The following DIS3L2 variants were observed in gnomAD, a reference collection of about 807,000 sequenced individuals.
The protein encoded by DIS3L2 is DIS3 like 3'-5' exoribonuclease 2.
In DIS3L2, 34 loss-of-function variants were observed where a neutral mutation model predicts 97.5. The observed-to-expected ratio is 0.35, with a 90% CI of 0.27 to 0.46. DIS3L2 has a LOEUF of 0.46. Ranked by LOEUF, DIS3L2 falls within the 20% of genes least tolerant of loss-of-function variation. DIS3L2 has a pLI of 1.00. For synonymous variants in DIS3L2, 435 were observed against 445.2 expected, an observed-to-expected ratio of 0.98 and a Z score of 0.29; for missense variants, 1,038 against 1,146.0, an observed-to-expected ratio of 0.91 and a Z score of 1.36.
intron 11 of DIS3L2, among the ~76,000 whole-genome samples, chr2:232,243,353 T>C (rs1214917181): frequency 6.6e-6 from 1 of 151,990 alleles, no homozygotes; most frequent in Non-Finnish European, 1.5e-5. Flanking sequence ...CCTGGAGTGG[T>C]AGGCGAAGGA....
chr2:232,114,967 A>G (rs1574886131), intron 6 of DIS3L2, among the ~76,000 whole-genome samples: 1 of 152,176 alleles, frequency 6.6e-6, no homozygotes, highest in East Asian at 1.9e-4. Context: ...CAGAGTCCCT[A>G]GGCAGCACAG....
exon 14 of DIS3L2, chr2:232,343,752 A>G (rs1209192908): frequency 3.8e-5 from 25 of 663,558 alleles, no homozygotes; most frequent in Non-Finnish European, 5.9e-5. Context: ...AGAAACTGCT[A>G]TACCCTCTTC....
At chr2:232,224,553 G>A (rs1206171320) in intron 10 of DIS3L2, among the ~76,000 whole-genome samples, 2 of 152,116 alleles carry the variant, frequency 1.3e-5, no homozygotes, top group Non-Finnish European at 2.9e-5. Context: ...CATTAAGATT[G>A]TTGAAAAGGG....
At chr2:232,333,741 C>T (rs765212517) in intron 16 of DIS3L2, 99 bp from the exon 17 acceptor site, 4 of 1,474,180 alleles carry the variant, frequency 2.7e-6, no homozygotes, top group Non-Finnish European at 3.6e-6. Flanking sequence ...GGTCTGTCCA[C>T]ACATCGCTGC....
intron 5 of DIS3L2, among the ~76,000 whole-genome samples, chr2:232,084,799 CAA>C (rs55977523): frequency 6.9e-6 from 1 of 145,532 alleles, no homozygotes; most frequent in Non-Finnish European, 1.5e-5. Context: ...CAGTTTTGCT[CAA>C]AAAAAAAAAA....
At chr2:232,095,820 C>T (rs1000212405) in intron 6 of DIS3L2, among the ~76,000 whole-genome samples, 8 of 152,136 alleles carry the variant, frequency 5.3e-5, no homozygotes, top group African/African-American at 1.9e-4. Context: ...TTGAAGGATA[C>T]TTTCACTGGA....
intron 14 of DIS3L2, among the ~76,000 whole-genome samples, chr2:232,303,804 G>A (rs1040223579): frequency 5.3e-5 from 8 of 152,128 alleles, no homozygotes; most frequent in African/African-American, 1.9e-4. Context: ...TCCATGGGTG[G>A]TGCCTGATAA....
chr2:232,311,752 G>A (rs1230885451), intron 14 of DIS3L2, among the ~76,000 whole-genome samples: 1 of 152,046 alleles, frequency 6.6e-6, no homozygotes, highest in African/African-American at 2.4e-5. Flanking sequence ...TTCTCTTTCA[G>A]CATTATATTT....
intron 1 of DIS3L2, among the ~76,000 whole-genome samples, chr2:232,001,557 CTTTTTTTTTTTTTT>C (rs57766848): frequency 3.2e-5 from 2 of 61,918 alleles, no homozygotes; most frequent in East Asian, 6.0e-4. Flanking sequence ...TGCCATTTGT[CTTTTTTTTTTTTTT>C]TTTTTTTTTG....
intron 13 of DIS3L2, among the ~76,000 whole-genome samples, chr2:232,287,181 C>A (rs1694456109): frequency 6.6e-6 from 1 of 152,120 alleles, no homozygotes; most frequent in Non-Finnish European, 1.5e-5. Context: ...AGAGGGAAAA[C>A]AAGTTTCTGC....
chr2:232,072,535 G>A (rs1430515175), intron 5 of DIS3L2, among the ~76,000 whole-genome samples: 4 of 152,124 alleles, frequency 2.6e-5, no homozygotes, highest in African/African-American at 9.7e-5. Context: ...ATCATAGGTA[G>A]GATTCTGTTT....
At chr2:232,045,734 G>A (rs1327128301) in intron 5 of DIS3L2, among the ~76,000 whole-genome samples, 1 of 144,138 alleles carries the variant, frequency 6.9e-6, no homozygotes, top group Non-Finnish European at 1.5e-5. Flanking sequence ...GAGTGCAGTG[G>A]TGCGATCTCG....
chr2:232,170,493 C>CT (rs1404551785), intron 9 of DIS3L2, among the ~76,000 whole-genome samples: 4 of 152,158 alleles, frequency 2.6e-5, no homozygotes, highest in Admixed American at 1.3e-4. Flanking sequence ...TTGTGGGTAT[C>CT]TATTTCCTTA....
chr2:232,160,221 A>G (rs1690610592), intron 8 of DIS3L2, among the ~76,000 whole-genome samples: 1 of 152,204 alleles, frequency 6.6e-6, no homozygotes, highest in Admixed American at 6.5e-5. Flanking sequence ...GGTAGAATTC[A>G]CCAGTGAAGC....
chr2:232,170,116 T>A (rs1690943014), intron 9 of DIS3L2, among the ~76,000 whole-genome samples: 1 of 152,014 alleles, frequency 6.6e-6, no homozygotes. Context: ...AAAAGCAACA[T>A]AAGTACTGCA....
At chr2:232,145,715 T>C (rs899236023) in intron 8 of DIS3L2, among the ~76,000 whole-genome samples, 1 of 152,190 alleles carries the variant, frequency 6.6e-6, no homozygotes, top group African/African-American at 2.4e-5. Flanking sequence ...GTTTTATTTG[T>C]TTTTGCCATC....
intron 5 of DIS3L2, among the ~76,000 whole-genome samples, chr2:232,072,206 T>A (rs1696038586): frequency 6.6e-6 from 1 of 152,082 alleles, no homozygotes; most frequent in Non-Finnish European, 1.5e-5. Flanking sequence ...CTGGGAAAGA[T>A]ATAATAATAT....
intron 14 of DIS3L2, among the ~76,000 whole-genome samples, chr2:232,327,613 A>G (rs767575206): frequency 5.9e-5 from 9 of 152,232 alleles, no homozygotes; most frequent in Non-Finnish European, 1.2e-4. Context: ...TGAAATCCGA[A>G]TAAGAACAGT....
At chr2:231,985,746 T>G (rs947219663) in intron 1 of DIS3L2, among the ~76,000 whole-genome samples, 1 of 152,246 alleles carries the variant, frequency 6.6e-6, no homozygotes, top group African/African-American at 2.4e-5. Flanking sequence ...TCCCACATAC[T>G]TCTGTATTTC....
Sources: gnomAD v4.1 joint callset for allele counts (sites outside exome capture counted in the v4.1 genomes callset) on GRCh38, gnomAD v4.1.1 for gene constraint, MANE v1.5 for transcripts, NCBI Gene and HGNC (gene_info 2026-07-23, HGNC 2026-07-21) for gene names.